The following FBXO31 variants were observed in gnomAD, a reference collection of about 807,000 sequenced individuals.
FBXO31 encodes F-box protein 31.
A neutral mutation model predicts 54.4 loss-of-function variants in FBXO31; 24 were observed. The observed-to-expected ratio is 0.44, with a 90% CI of 0.32 to 0.62. The LOEUF (loss-of-function observed/expected upper bound fraction) is 0.62, where lower values mean the gene tolerates loss of function less well. Among genes scored for constraint, FBXO31 ranks in the 20% least tolerant of loss-of-function variants. The probability of loss-of-function intolerance (pLI) is 0.05; values close to 1 mark genes in which losing one functional copy is unlikely to be tolerated. For missense variants in FBXO31, 665 were observed against 787.1 expected, an observed-to-expected ratio of 0.84 and a Z score of 1.86; for synonymous variants, 388 against 335.6, an observed-to-expected ratio of 1.16 and a Z score of -1.71.
chr16:87,346,794 C>A lies in FBXO31; in HGVS notation c.489+380G>T, dbSNP rs775990974. 7.9e-5 allele frequency among the ~76,000 whole-genome samples: 12 copies of A among 152,150 alleles called. No homozygotes were observed. The highest frequency in any genetic ancestry group is 2.0e-4 in the Admixed American group (3 of 15,290). On this transcript the variant is annotated intron_variant, in intron 3 of 8. Coordinates refer to ENST00000311635, the MANE Select transcript of FBXO31 (RefSeq NM_024735.5). This position sits in a 1 kb window ranked among gnomAD's most constrained non-coding sequence, Gnocchi z 4.2. ...CCACAGCAGAACCCAAGGAAACAGACGTCAGAGTGCACCATGGCTGGAACA... is the reference window on the plus strand; with the variant it reads ...CCACAGCAGAACCCAAGGAAACAGAAGTCAGAGTGCACCATGGCTGGAACA...
rs374716130 is a variant in FBXO31 at position 87,347,604 on chromosome 16, T to C, written c.413-354A>G. 6.6e-3 allele frequency among the ~76,000 whole-genome samples: 921 copies of C among 140,538 alleles called. 8 individuals carry two copies. Among genetic ancestry groups the C allele is most frequent in the African/African-American group, 0.024 (868 of 36,448 alleles). 92.2% of individuals were successfully genotyped at this position (140,538 alleles called of 152,430 possible). A position where few individuals can be genotyped will look rare whatever the true frequency, so the allele number is the denominator to read the frequency against. The stretch of plus-strand genomic sequence containing the variant: ...CTGAGGCAGGAGAATGGCATGAACC[T>C]GGGAGGTGGAGCTTGCAGTGAGCCG... On this transcript the variant is annotated intron_variant, in intron 2 of 8. Transcript: ENST00000311635.
intron 5 of FBXO31, among the ~76,000 whole-genome samples, chr16:87,341,233 A>T (rs550289046): frequency 1.3e-5 from 2 of 152,378 alleles, no homozygotes; most frequent in East Asian, 1.9e-4. Flanking sequence ...ACACAGAAGT[A>T]GGCTTACAGA....
chr16:87,385,057 C>T (rs1597383538), upstream of FBXO31, among the ~76,000 whole-genome samples: 1 of 152,068 alleles, frequency 6.6e-6, no homozygotes, highest in African/African-American at 2.4e-5. Flanking sequence ...CAGTGGCTCA[C>T]GCCTGTAATT....
rs1225280815 is a variant in FBXO31, at chr16:87,346,811, G to T, written c.489+363C>A. ...GAAACAGACGTCAGAGTGCACCATG[G>T]CTGGAACATGGGGGGCAAAGACCAG... is the stretch of plus-strand genomic sequence containing the variant. On this transcript the variant is annotated intron_variant, in intron 3 of 8. Transcript: ENST00000311635. The surrounding 1 kb of genome is among the most constrained non-coding windows in gnomAD (Gnocchi z 4.2). 6.6e-6 allele frequency among the ~76,000 whole-genome samples: 1 copy of T among 152,162 alleles called. No individual in the cohort carries two copies.
At chr16:87,340,258 G>A (rs926296537) in intron 5 of FBXO31, among the ~76,000 whole-genome samples, 1 of 152,242 alleles carries the variant, frequency 6.6e-6, no homozygotes, top group Admixed American at 6.5e-5. Flanking sequence ...CTGTACTCCA[G>A]TGTGGGGGAC....
At chr16:87,370,593 G>C (rs1489215844) in intron 1 of FBXO31, among the ~76,000 whole-genome samples, 1 of 152,182 alleles carries the variant, frequency 6.6e-6, no homozygotes. Context: ...GATGACTGAG[G>C]AGGCAGTGGG....
intron 2 of FBXO31, among the ~76,000 whole-genome samples, chr16:87,348,653 G>T (rs1905504800): frequency 6.6e-6 from 1 of 152,178 alleles, no homozygotes; most frequent in Non-Finnish European, 1.5e-5. Context: ...GGCTGTTACA[G>T]CCTCACCCAT....
At chr16:87,374,687 T>C (rs1239752816) in intron 1 of FBXO31, among the ~76,000 whole-genome samples, 3 of 152,234 alleles carry the variant, frequency 2.0e-5, no homozygotes, top group African/African-American at 7.2e-5. Flanking sequence ...AAGCTATGAA[T>C]TCTAAATTCA....
chr16:87,391,635 G>A (rs1358559330), upstream of FBXO31: 2 of 152,420 alleles, frequency 1.3e-5, no homozygotes, highest in Non-Finnish European at 2.9e-5. Context: ...CAGGGGGACT[G>A]GGAGAGGGGA....
At chr16:87,350,548 G>A (rs1402043877) in intron 2 of FBXO31, among the ~76,000 whole-genome samples, 1 of 152,166 alleles carries the variant, frequency 6.6e-6, no homozygotes, top group Non-Finnish European at 1.5e-5. Flanking sequence ...GCACACTGAA[G>A]CATTTAGGAG....
chr16:87,351,774 C>G (rs1338321605), intron 2 of FBXO31, among the ~76,000 whole-genome samples: 1 of 152,138 alleles, frequency 6.6e-6, no homozygotes, highest in African/African-American at 2.4e-5. Flanking sequence ...GAGGCGGAGG[C>G]AGGAGAATCG....
chr16:87,390,520 A>C (rs187563626), upstream of FBXO31, among the ~76,000 whole-genome samples: 1,889 of 151,046 alleles, frequency 0.013, 13 homozygotes, highest in Non-Finnish European at 0.02. Context: ...GGCTCGCTGC[A>C]ACCTCTGCCT....
At chr16:87,356,136 C>T (rs1181000526) in intron 2 of FBXO31, among the ~76,000 whole-genome samples, 2 of 149,544 alleles carry the variant, frequency 1.3e-5, no homozygotes, top group African/African-American at 2.5e-5. Flanking sequence ...CGCTGAGGCA[C>T]GAGAACTGCT....
At chr16:87,350,989 G>C (rs966872277) in intron 2 of FBXO31, among the ~76,000 whole-genome samples, 3 of 152,224 alleles carry the variant, frequency 2.0e-5, no homozygotes, top group African/African-American at 7.2e-5. Flanking sequence ...TACTTTGGAA[G>C]CAACGGCCGC....
chr16:87,351,012 G>A (rs1245420019), intron 2 of FBXO31, among the ~76,000 whole-genome samples: 1 of 152,244 alleles, frequency 6.6e-6, no homozygotes. Context: ...CTGACCAGAT[G>A]TCGGCTCCTT....
intron 2 of FBXO31, among the ~76,000 whole-genome samples, chr16:87,352,091 G>A (rs1423289387): frequency 2.0e-5 from 3 of 152,190 alleles, no homozygotes; most frequent in Non-Finnish European, 2.9e-5. Context: ...GTGATGTGTG[G>A]CCAAGCTGAG....
chr16:87,350,975 G>A (rs553010957), intron 2 of FBXO31, among the ~76,000 whole-genome samples: 8 of 152,312 alleles, frequency 5.3e-5, no homozygotes, highest in African/African-American at 1.7e-4. Flanking sequence ...CAACACCTTC[G>A]CTGTACTTTG....
intron 2 of FBXO31, among the ~76,000 whole-genome samples, chr16:87,353,468 G>A (rs1464291270): frequency 6.6e-6 from 1 of 152,242 alleles, no homozygotes; most frequent in African/African-American, 2.4e-5. Context: ...TAGGGTAAAC[G>A]AATGCTTGCG....
chr16:87,368,170 G>A (rs1259237666), intron 1 of FBXO31, among the ~76,000 whole-genome samples: 2 of 152,180 alleles, frequency 1.3e-5, no homozygotes, highest in Admixed American at 6.5e-5. Context: ...CAAAATGATG[G>A]CACAGTGCTA....
Sources: allele counts gnomAD v4.1 joint callset (sites outside exome capture counted in the v4.1 genomes callset), GRCh38; gene constraint gnomAD v4.1.1; non-coding constraint Gnocchi (gnomAD v3.1); transcripts MANE v1.5; gene names NCBI Gene and HGNC (gene_info 2026-07-23, HGNC 2026-07-21).